The following SPIDR variants were observed in gnomAD, a reference collection of about 807,000 sequenced individuals.
SPIDR encodes the protein scaffold protein involved in DNA repair.
Under a neutral mutation model 104.6 loss-of-function variants are expected in SPIDR, and 93 were observed. The observed-to-expected ratio is 0.89, with a 90% CI of 0.75 to 1.06. SPIDR has a LOEUF of 1.06. SPIDR is among the 50% of genes least tolerant of loss of function. The pLI is 0.00. For missense variants in SPIDR, 1,154 were observed against 1,111.2 expected (o/e 1.04, Z -0.55); for synonymous variants, 431 against 416.9 (o/e 1.03, Z -0.41).
chr8:47,581,534 T>A (rs2059693449), intron 8 of SPIDR, among the ~76,000 whole-genome samples: 1 of 152,130 alleles, frequency 6.6e-6, no homozygotes, highest in African/African-American at 2.4e-5. Flanking sequence ...TCTCCCTGTA[T>A]AAGGCGCTCC....
intron 8 of SPIDR, among the ~76,000 whole-genome samples, chr8:47,484,975 C>T (rs1329789536): frequency 6.6e-6 from 1 of 152,208 alleles, no homozygotes; most frequent in Non-Finnish European, 1.5e-5. Flanking sequence ...GGGTTCATCT[C>T]ACTTGGGCTT....
intron 7 of SPIDR, among the ~76,000 whole-genome samples, chr8:47,429,842 T>G (rs1554687843): frequency 6.6e-6 from 1 of 151,814 alleles, no homozygotes; most frequent in African/African-American, 2.4e-5. Context: ...TTATTATACT[T>G]TAAGTTTTAG....
At chr8:47,487,434 T>C (rs2077852033) in intron 8 of SPIDR, among the ~76,000 whole-genome samples, 1 of 152,090 alleles carries the variant, frequency 6.6e-6, no homozygotes, top group Non-Finnish European at 1.5e-5. Context: ...CTGTCAACAT[T>C]AGACAGATCA....
In SPIDR at chr8:47,504,466, G is replaced by T. The variant is rs537633244; in HGVS notation, c.1097+63924G>T. Among the ~76,000 whole-genome samples, 23 of 152,214 alleles carry T rather than the reference G, an allele frequency of 1.5e-4. No homozygotes were observed. The South Asian group carries it at 4.6e-3, about 30-fold the overall frequency. On this transcript the variant is annotated intron_variant, in intron 8 of 19. Coordinates refer to ENST00000297423, the MANE Select transcript of SPIDR (RefSeq NM_001080394.4). ...TGTGCATTTGTCACATAGTTCTCGT[G>T]CCTTGGTTTTCAGCTCCATGAGGTC...
intron 5 of SPIDR, among the ~76,000 whole-genome samples, chr8:47,333,542 G>T (rs1245185523): frequency 6.6e-6 from 1 of 151,906 alleles, no homozygotes; most frequent in Non-Finnish European, 1.5e-5. Flanking sequence ...GACCTCAGGT[G>T]ATCCCCACCT....
In SPIDR at chr8:47,308,805, T is replaced by C. The variant is rs587615815; in HGVS notation, c.525+14775T>C. Among the ~76,000 whole-genome samples the C allele has an allele frequency of 8.5e-5, 13 of 152,384 alleles. No individual in the cohort carries two copies. In the South Asian group the frequency reaches 2.7e-3, roughly 32 times the overall value. ...GTCCTTTTTGCCTGTCCTTGGTTCC[T>C]GTAAGCTGCGCGCAAGCTGCTCCTT... On this transcript the variant is annotated intron_variant, in intron 5 of 19. Coordinates refer to ENST00000297423, the MANE Select transcript of SPIDR (RefSeq NM_001080394.4).
chr8:47,435,586 C>T (rs149704731), intron 7 of SPIDR, among the ~76,000 whole-genome samples: 18 of 152,114 alleles, frequency 1.2e-4, no homozygotes, highest in African/African-American at 4.3e-4. Flanking sequence ...CGTTTAACAT[C>T]TTTGCTATTG....
At chr8:47,537,504 G>A (rs1180883693) in intron 8 of SPIDR, among the ~76,000 whole-genome samples, 1 of 152,188 alleles carries the variant, frequency 6.6e-6, no homozygotes, top group Non-Finnish European at 1.5e-5. Context: ...TGACATTCTG[G>A]AAAAGGCAAA....
chr8:47,548,585 T>G (rs2089894825), intron 8 of SPIDR, among the ~76,000 whole-genome samples: 1 of 152,198 alleles, frequency 6.6e-6, no homozygotes, highest in Non-Finnish European at 1.5e-5. Context: ...GAGGCTGAAG[T>G]TGCAGTCAGC....
At chr8:47,451,273 A>C (rs1206543829) in intron 8 of SPIDR, among the ~76,000 whole-genome samples, 4 of 152,142 alleles carry the variant, frequency 2.6e-5, no homozygotes, top group African/African-American at 9.7e-5. Context: ...AAAGTACAAT[A>C]ATTTAAATTT....
intron 5 of SPIDR, among the ~76,000 whole-genome samples, chr8:47,322,373 C>A (rs959873980): frequency 6.6e-6 from 1 of 152,134 alleles, no homozygotes; most frequent in Non-Finnish European, 1.5e-5. Flanking sequence ...AAATGCAAAT[C>A]GAAACCACAA....
At chr8:47,659,057 A>C (rs989907523) in intron 10 of SPIDR, among the ~76,000 whole-genome samples, 7 of 151,980 alleles carry the variant, frequency 4.6e-5, no homozygotes, top group Non-Finnish European at 8.8e-5. Flanking sequence ...CAGGAGTTTG[A>C]GACCAGCCTG....
At chr8:47,404,004 T>C (rs1001243235) in intron 6 of SPIDR, among the ~76,000 whole-genome samples, 8 of 152,206 alleles carry the variant, frequency 5.3e-5, no homozygotes, top group African/African-American at 1.9e-4. Context: ...AAAACAGAGA[T>C]ACAGACCAAT....
At chr8:47,300,321 G>A (rs1014672793) in intron 5 of SPIDR, among the ~76,000 whole-genome samples, 4 of 151,920 alleles carry the variant, frequency 2.6e-5, no homozygotes, top group Non-Finnish European at 5.9e-5. Flanking sequence ...TTTTTATTCC[G>A]TCTATCTGAT....
At chr8:47,563,539 A>G (rs2057351894) in intron 8 of SPIDR, among the ~76,000 whole-genome samples, 1 of 152,112 alleles carries the variant, frequency 6.6e-6, no homozygotes, top group South Asian at 2.1e-4. Context: ...ACTTGGCCAC[A>G]TCACTTGTCA....
chr8:47,285,095 A>C (rs902935024), intron 3 of SPIDR, among the ~76,000 whole-genome samples: 1 of 152,322 alleles, frequency 6.6e-6, no homozygotes, highest in East Asian at 1.9e-4. Context: ...ATATTAAGTG[A>C]GCTAAAAATA....
At chr8:47,295,353 A>G (rs1489835507) in intron 5 of SPIDR, among the ~76,000 whole-genome samples, 1 of 152,212 alleles carries the variant, frequency 6.6e-6, no homozygotes, top group East Asian at 1.9e-4. Flanking sequence ...GTAAAATACA[A>G]TGCACTATTA....
intron 8 of SPIDR, among the ~76,000 whole-genome samples, chr8:47,442,213 G>C (rs79242880): frequency 0.011 from 1,698 of 152,202 alleles, 17 homozygotes; most frequent in Middle Eastern, 0.02. Context: ...AACTTAGAAA[G>C]TGAATCCTCT....
At chr8:47,365,381 C>T (rs180855882) in intron 5 of SPIDR, among the ~76,000 whole-genome samples, 28 of 152,326 alleles carry the variant, frequency 1.8e-4, no homozygotes, top group Middle Eastern at 6.8e-3. Context: ...CCTTTATAGA[C>T]ACATGGCAGC....
Sources: allele counts gnomAD v4.1 joint callset (sites outside exome capture counted in the v4.1 genomes callset), GRCh38; gene constraint gnomAD v4.1.1; transcripts MANE v1.5; gene names NCBI Gene and HGNC (gene_info 2026-07-23, HGNC 2026-07-21).